The following TMEM127 variants were observed in gnomAD, a reference collection of about 807,000 sequenced individuals.
The protein encoded by TMEM127 is transmembrane protein 127.
A neutral mutation model predicts 20.1 loss-of-function variants in TMEM127; 21 were observed. That is an observed-to-expected ratio of 1.04 (90% confidence interval 0.74 to 1.50). The LOEUF is 1.50. Among genes scored for constraint, TMEM127 ranks in the 40% most tolerant of loss-of-function variants. The pLI is 0.00. For synonymous variants in TMEM127, 150 were observed against 144.7 expected (o/e 1.04, Z -0.26); for missense variants, 303 against 317.4 (o/e 0.95, Z 0.34).
Position 96,250,607 on chromosome 2 carries a change from A to G in TMEM127, c.*3201T>C. ...AAGATGTGTATTCTCCCTAACAACA[A>G]CAAAAGAGACCTAAATGGGCTGCTC... is the stretch of plus-strand genomic sequence containing the variant. On this transcript the variant is annotated 3_prime_UTR_variant, in exon 4 of 4. Transcript: ENST00000258439. The G allele has an allele frequency of 4.3e-6, 1 of 232,968 alleles. No homozygotes were observed. Among genetic ancestry groups the G allele is most frequent in the East Asian group, 6.0e-5 (1 of 16,558 alleles). 14.4% of individuals were successfully genotyped at this position (232,968 alleles called of 1,614,324 possible).
At chr2:96,254,217 A>G in intron 3 of TMEM127, 102 bp from the exon 4 acceptor site, 1 of 1,477,696 alleles carries the variant, frequency 6.8e-7, no homozygotes, top group Non-Finnish European at 9.3e-7. Context: ...CCCCATTCTC[A>G]GAGAACCTGC....
intron 2 of TMEM127, among the ~76,000 whole-genome samples, chr2:96,255,507 G>A (rs1684185174): frequency 6.6e-6 from 1 of 152,126 alleles, no homozygotes; most frequent in Admixed American, 6.5e-5. Flanking sequence ...CCAAATGTAG[G>A]ACAAATATTT....
intron 2 of TMEM127, among the ~76,000 whole-genome samples, chr2:96,262,644 A>G (rs977640997): frequency 2.0e-5 from 3 of 152,262 alleles, no homozygotes; most frequent in Admixed American, 6.5e-5. Flanking sequence ...GTAAAGGTTA[A>G]GAAAACATGC....
rs1478096731 is a variant in TMEM127, at chr2:96,265,253, C to T, written c.129G>A (p.Ala43=). ...SALPGALSIT[A]LCTALAEPAW... ...CGGGCTCGGCGAGGGCAGTGCACAGCGCCGTGATAGACAGGGCGCCAGGCA... is the reference window on the plus strand; with the variant it reads ...CGGGCTCGGCGAGGGCAGTGCACAGTGCCGTGATAGACAGGGCGCCAGGCA... Residue 43 remains alanine (A), a synonymous_variant, in exon 2 of 4, where the codon GCG becomes GCA. Transcript: ENST00000258439. 3 of 1,592,138 alleles carry T rather than the reference C, an allele frequency of 1.9e-6. No homozygotes were observed. Among genetic ancestry groups the T allele is most frequent in the South Asian group, 2.3e-5 (2 of 88,814 alleles).
intron 2 of TMEM127, among the ~76,000 whole-genome samples, chr2:96,264,584 C>A (rs541296181): frequency 7.7e-4 from 118 of 152,322 alleles, no homozygotes; most frequent in Non-Finnish European, 1.4e-3. Flanking sequence ...AACAAAGCAA[C>A]CTTGCCTCTG....
chr2:96,256,400 T>G (rs916094904), intron 2 of TMEM127, among the ~76,000 whole-genome samples: 2 of 151,516 alleles, frequency 1.3e-5, no homozygotes, highest in Non-Finnish European at 2.9e-5. Flanking sequence ...GGGGAAACCC[T>G]GTCTCTACTA....
intron 2 of TMEM127, among the ~76,000 whole-genome samples, chr2:96,255,683 T>C (rs1054488136): frequency 2.0e-5 from 3 of 152,238 alleles, no homozygotes; most frequent in Admixed American, 6.5e-5. Flanking sequence ...ATAGTCATGA[T>C]GCATGTGCTT....
intron 3 of TMEM127, 60 bp downstream of exon 3, chr2:96,254,773 G>C (rs2104286621): frequency 6.2e-7 from 1 of 1,602,672 alleles, no homozygotes; most frequent in African/African-American, 1.3e-5. Context: ...CGGCAACTCA[G>C]ACAGGATGCC....
chr2:96,250,199 G>A lies in TMEM127; in HGVS notation c.*3609C>T, dbSNP rs936715507. 1 of 233,286 alleles carries A rather than the reference G, an allele frequency of 4.3e-6. No homozygotes were observed. The highest frequency in any genetic ancestry group is 2.2e-5 in the African/African-American group (1 of 45,320). The allele number at this position is 233,286 out of a possible 1,614,324, so 14.5% of individuals were successfully genotyped here. On this transcript the variant is annotated 3_prime_UTR_variant, in exon 4 of 4. Coordinates refer to ENST00000258439, the MANE Select transcript of TMEM127 (RefSeq NM_017849.4). ...AAATCCTTCCTGGGCTCCTTCTGCT[G>A]TTAGTGCCTTAAATGAGCACCCCTC...
Position 96,254,975 on chromosome 2 carries a change from T to G in TMEM127, c.267A>C (p.Thr89=). Residue 89 remains threonine (T), a synonymous_variant, in exon 3 of 4, where the codon ACA becomes ACC. Transcript: ENST00000258439. ...CGGCGATGACCCGCAGGAGCAGCACTGTCTGGGGATTCATGCAGAAATCTG... is the reference window on the plus strand; with the variant it reads ...CGGCGATGACCCGCAGGAGCAGCACGGTCTGGGGATTCATGCAGAAATCTG... ...LLKDFCMNPQ[T]VLLLRVIAAF... The G allele has an allele frequency of 6.2e-7, 1 of 1,614,182 alleles. No individual in the cohort carries two copies. The highest frequency in any genetic ancestry group is 8.5e-7 in the Non-Finnish European group (1 of 1,180,018).
At chr2:96,262,278 A>C (rs1357943684) in intron 2 of TMEM127, among the ~76,000 whole-genome samples, 2 of 151,838 alleles carry the variant, frequency 1.3e-5, no homozygotes, top group African/African-American at 2.4e-5. Context: ...AAAAAAAAAA[A>C]AAACTCTATA....
At chr2:96,257,482 A>AAAC (rs2104293508) in intron 2 of TMEM127, among the ~76,000 whole-genome samples, 1 of 152,154 alleles carries the variant, frequency 6.6e-6, no homozygotes, top group South Asian at 2.1e-4. Context: ...ACAAAACAAA[A>AAAC]AAACAAAAAA....
At position 96,254,919 on chromosome 2, in the gene TMEM127, A is replaced by C. The variant is rs1553437004; in HGVS notation, c.323T>G (p.Leu108Arg). Residue 108 changes from leucine (L) to arginine (R), a missense_variant, in exon 3 of 4, where the codon CTC becomes CGC. Coordinates refer to ENST00000258439, the MANE Select transcript of TMEM127 (RefSeq NM_017849.4). ...AFCFLGILCSLSAFLLDVFGP... is the reference protein window; with the variant it reads ...AFCFLGILCSRSAFLLDVFGP... ...AAAGACATCCAGAAGGAAAGCGGAG[A>C]GACTACACAGGATGCCCAGGAAACA... The C allele has an allele frequency of 1.9e-6, 3 of 1,614,034 alleles. No homozygotes were observed. The highest frequency in any genetic ancestry group is 2.5e-6 in the Non-Finnish European group (3 of 1,179,984).
intron 2 of TMEM127, among the ~76,000 whole-genome samples, chr2:96,258,457 C>A (rs1684253207): frequency 6.6e-6 from 1 of 152,218 alleles, no homozygotes; most frequent in South Asian, 2.1e-4. Context: ...AGAGTTCGCC[C>A]AGCAGAGGCT....
chr2:96,257,960 T>TA (rs1684244118), intron 2 of TMEM127, among the ~76,000 whole-genome samples: 3 of 152,156 alleles, frequency 2.0e-5, no homozygotes, highest in South Asian at 4.1e-4. Context: ...CTTCTTCTGT[T>TA]ACAGCCACTG....
chr2:96,256,709 G>A (rs1318264293), intron 2 of TMEM127, among the ~76,000 whole-genome samples: 5 of 152,072 alleles, frequency 3.3e-5, no homozygotes, highest in Admixed American at 1.3e-4. Context: ...CTACAAGAAA[G>A]TATTACATAG....
At chr2:96,259,338 C>CCCTA (rs1234200255) in intron 2 of TMEM127, among the ~76,000 whole-genome samples, 2 of 152,224 alleles carry the variant, frequency 1.3e-5, no homozygotes, top group African/African-American at 4.8e-5. Flanking sequence ...GATCAGGCTC[C>CCCTA]CCTACACTGT....
At chr2:96,254,238 A>G in intron 3 of TMEM127, 123 bp from the exon 4 acceptor site, 1 of 1,305,782 alleles carries the variant, frequency 7.7e-7, no homozygotes, top group Non-Finnish European at 1.1e-6. Flanking sequence ...CTGGCCCCAG[A>G]CTCTGCAAGG....
rs571444066 is a variant in TMEM127, at chr2:96,253,336, G to A, written c.*472C>T. On this transcript the variant is annotated 3_prime_UTR_variant, in exon 4 of 4. Transcript: ENST00000258439. The surrounding 1 kb of genome is among the most constrained non-coding windows in gnomAD (Gnocchi z 4.3). ...AGGTGGCCTGGGGGCGGGTCACTCC[G>A]AGAAGGAAGGGGTCTGGGGGGCGTC... 76 of 244,370 alleles carry A rather than the reference G, an allele frequency of 3.1e-4. No homozygotes were observed. Among genetic ancestry groups the A allele is most frequent in the African/African-American group, 1.6e-3 (73 of 45,602 alleles). 15.1% of individuals were successfully genotyped at this position (244,370 alleles called of 1,614,324 possible). A position where few individuals can be genotyped will look rare whatever the true frequency, so the allele number is the denominator to read the frequency against.
Sources: gnomAD v4.1 joint callset for allele counts (sites outside exome capture counted in the v4.1 genomes callset) on GRCh38, gnomAD v4.1.1 for gene constraint, Gnocchi (gnomAD v3.1) non-coding constraint, MANE v1.5 for transcripts, NCBI Gene and HGNC (gene_info 2026-07-23, HGNC 2026-07-21) for gene names.